NPAS3: variants seen among roughly 807,000 people sequenced by gnomAD.
NPAS3 encodes the protein neuronal PAS domain protein 3, also known as neuronal PAS domain-containing protein 3.
Under a neutral mutation model 73.1 loss-of-function variants are expected in NPAS3, and 14 were observed. The ratio of observed to expected loss-of-function variants is 0.19; its 90% CI spans 0.13 to 0.30. The LOEUF (loss-of-function observed/expected upper bound fraction) is 0.30, where lower values mean the gene tolerates loss of function less well. NPAS3 is among the 10% of genes least tolerant of loss of function. The pLI, the probability that NPAS3 is intolerant of heterozygous loss-of-function variation, is 1.00. For synonymous variants in NPAS3, 620 were observed against 541.5 expected (o/e 1.14, Z -2.01); for missense variants, 1,096 against 1,250.0 (o/e 0.88, Z 1.86).
At chr14:33,584,367 GT>G (rs1368548676) in intron 5 of NPAS3, among the ~76,000 whole-genome samples, 1 of 150,004 alleles carries the variant, frequency 6.7e-6, no homozygotes, top group Non-Finnish European at 1.5e-5. Context: ...GTAGAACAAA[GT>G]TGCTGAATGC....
intron 4 of NPAS3, among the ~76,000 whole-genome samples, chr14:33,391,906 C>A (rs375819144): frequency 4.5e-4 from 69 of 152,136 alleles, no homozygotes; most frequent in African/African-American, 1.7e-3. Flanking sequence ...AATGACTAAT[C>A]GAATTGCAAA....
chr14:33,141,597 G>A (rs776102612), intron 2 of NPAS3, among the ~76,000 whole-genome samples: 13 of 152,076 alleles, frequency 8.5e-5, no homozygotes, highest in Non-Finnish European at 1.5e-4. Flanking sequence ...TACTTTGCTA[G>A]CGTGTCTCAT....
intron 4 of NPAS3, among the ~76,000 whole-genome samples, chr14:33,419,130 G>GT (rs1244008603): frequency 6.6e-6 from 1 of 151,776 alleles, no homozygotes; most frequent in Non-Finnish European, 1.5e-5. Context: ...ATGATAAATA[G>GT]TTTTTTTAAA....
At chr14:33,290,360 A>C (rs2042050449) in intron 3 of NPAS3, among the ~76,000 whole-genome samples, 1 of 152,222 alleles carries the variant, frequency 6.6e-6, no homozygotes, top group Non-Finnish European at 1.5e-5. Flanking sequence ...ACCCCTAGGA[A>C]ATACGGCAAA....
intron 7 of NPAS3, among the ~76,000 whole-genome samples, chr14:33,737,839 G>A (rs868829233): frequency 2.9e-4 from 44 of 151,986 alleles, no homozygotes; most frequent in Non-Finnish European, 4.3e-4. Context: ...CAAATAAAAA[G>A]AAACAGTGAT....
chr14:33,013,448 A>C (rs1296607971), intron 1 of NPAS3, among the ~76,000 whole-genome samples: 2 of 152,166 alleles, frequency 1.3e-5, no homozygotes, highest in African/African-American at 2.4e-5. Context: ...TAGTTTTACT[A>C]TCTCCCTTTT....
chr14:33,596,726 A>G (rs2057253934), intron 5 of NPAS3, among the ~76,000 whole-genome samples: 1 of 152,194 alleles, frequency 6.6e-6, no homozygotes, highest in South Asian at 2.1e-4. Flanking sequence ...TTTCTTTTCA[A>G]ATGGGTTGCT....
intron 2 of NPAS3, among the ~76,000 whole-genome samples, chr14:33,089,339 C>G (rs1272523589): frequency 6.6e-6 from 1 of 152,148 alleles, no homozygotes; most frequent in Non-Finnish European, 1.5e-5. Flanking sequence ...GGCACAAGAA[C>G]TATGTGATGA....
At chr14:33,692,403 A>G (rs1436986223) in intron 6 of NPAS3, among the ~76,000 whole-genome samples, 3 of 152,184 alleles carry the variant, frequency 2.0e-5, no homozygotes, top group Non-Finnish European at 4.4e-5. Context: ...TTGGATACCA[A>G]AAGAGGTTTT....
intron 2 of NPAS3, among the ~76,000 whole-genome samples, chr14:33,113,816 G>C (rs989174995): frequency 2.0e-5 from 3 of 152,040 alleles, no homozygotes; most frequent in Non-Finnish European, 4.4e-5. Flanking sequence ...GTCATAAATA[G>C]CTCTTATTAT....
intron 2 of NPAS3, among the ~76,000 whole-genome samples, chr14:33,181,016 G>C (rs1467737530): frequency 6.6e-6 from 1 of 152,014 alleles, no homozygotes; most frequent in African/African-American, 2.4e-5. Flanking sequence ...AGTCACTAGA[G>C]CACTCCCCAG....
chr14:33,373,510 C>A (rs1250317030), intron 4 of NPAS3, among the ~76,000 whole-genome samples: 1 of 151,694 alleles, frequency 6.6e-6, no homozygotes, highest in Non-Finnish European at 1.5e-5. Context: ...CATTTTGGAT[C>A]ATAAAAGTAA....
At chr14:33,712,918 C>A (rs7149368) in intron 6 of NPAS3, among the ~76,000 whole-genome samples, 41,747 of 151,948 alleles carry the variant, frequency 0.27, 6,752 homozygotes, top group South Asian at 0.53. Flanking sequence ...TAATTACAAA[C>A]CTGCCATTTA....
intron 4 of NPAS3, among the ~76,000 whole-genome samples, chr14:33,463,578 T>C (rs2050372637): frequency 6.6e-6 from 1 of 152,196 alleles, no homozygotes; most frequent in Non-Finnish European, 1.5e-5. Context: ...AAAAGCTCCG[T>C]ATGCTCTGCC....
At chr14:33,266,389 G>C (rs1197474222) in intron 3 of NPAS3, among the ~76,000 whole-genome samples, 1 of 152,130 alleles carries the variant, frequency 6.6e-6, no homozygotes, top group Non-Finnish European at 1.5e-5. Flanking sequence ...AGATTGAAGA[G>C]AGAGCTCATA....
At chr14:32,945,910 T>G (rs1404729729) in intron 1 of NPAS3, among the ~76,000 whole-genome samples, 1 of 152,224 alleles carries the variant, frequency 6.6e-6, no homozygotes, top group African/African-American at 2.4e-5. Context: ...CACGTACATC[T>G]GCCTCTTTGG....
intron 4 of NPAS3, among the ~76,000 whole-genome samples, chr14:33,445,513 A>T (rs2049445500): frequency 6.6e-6 from 1 of 152,226 alleles, no homozygotes; most frequent in Admixed American, 6.5e-5. Flanking sequence ...CTTGAGCCAG[A>T]TGAGTGAAAT....
chr14:33,699,826 G>T (rs1329308420), intron 6 of NPAS3, among the ~76,000 whole-genome samples: 1 of 152,082 alleles, frequency 6.6e-6, no homozygotes, highest in African/African-American at 2.4e-5. Flanking sequence ...CCCGTACACG[G>T]CACAGCTAAT....
chr14:33,067,913 C>T (rs1239707576), intron 2 of NPAS3, among the ~76,000 whole-genome samples: 1 of 152,196 alleles, frequency 6.6e-6, no homozygotes, highest in African/African-American at 2.4e-5. Flanking sequence ...TTCTGCCTCT[C>T]TCTTGTCTCA....
Sources: gnomAD v4.1 joint callset for allele counts (sites outside exome capture counted in the v4.1 genomes callset) on GRCh38, gnomAD v4.1.1 for gene constraint, MANE v1.5 for transcripts, NCBI Gene and HGNC (gene_info 2026-07-23, HGNC 2026-07-21) for gene names.